Variants in ECT2L observed in about 807,000 individuals in gnomAD.
The protein encoded by ECT2L is epithelial cell transforming 2 like.
Under a neutral mutation model 122.8 loss-of-function variants are expected in ECT2L, and 126 were observed. The observed-to-expected ratio is 1.03, with a 90% CI of 0.89 to 1.19. The LOEUF is 1.19. Ranked by LOEUF, ECT2L falls within the 50% of genes most tolerant of loss-of-function variation. The probability of loss-of-function intolerance (pLI) is 0.00; values close to 1 mark genes in which losing one functional copy is unlikely to be tolerated. For synonymous variants in ECT2L, 385 were observed against 381.8 expected, an observed-to-expected ratio of 1.01 and a Z score of -0.10; for missense variants, 1,012 against 1,064.1, an observed-to-expected ratio of 0.95 and a Z score of 0.68.
Position 138,845,563 on chromosome 6 carries a change from C to G in ECT2L, c.765-976C>G, listed in dbSNP as rs374556137. ...CCAGCCAACTTTGGATTCTTGAGAT[C>G]ATGTAATCTCACTCACCTAAGTTTC... On this transcript the variant is annotated intron_variant, in intron 7 of 21. Transcript: ENST00000541398. 1.8e-4 allele frequency among the ~76,000 whole-genome samples: 27 copies of G among 152,140 alleles called. No individual in the cohort carries two copies. In the East Asian group the frequency reaches 2.3e-3, roughly 13 times the overall value.
chr6:138,802,755 C>T (rs77890643), intron 1 of ECT2L, among the ~76,000 whole-genome samples: 1,815 of 152,098 alleles, frequency 0.012, 40 homozygotes, highest in African/African-American at 0.041. Context: ...GAATAGTCAA[C>T]GAAATTAATA....
Position 138,861,482 on chromosome 6 carries a change from G to A in ECT2L, c.1199-1145G>A, listed in dbSNP as rs181864851. On this transcript the variant is annotated intron_variant, in intron 10 of 21. Coordinates refer to ENST00000541398, the MANE Select transcript of ECT2L (RefSeq NM_001077706.3). ...GATTTGCATTTCTCTAATGACCAGT[G>A]ATGATGAGCTTTTTTTCATGTGTTT... is the stretch of plus-strand genomic sequence containing the variant. Among the ~76,000 whole-genome samples, 3 of 152,316 alleles carry A rather than the reference G, an allele frequency of 2.0e-5. No homozygotes were observed. The East Asian group carries it at 5.8e-4, about 29-fold the overall frequency.
intron 10 of ECT2L, among the ~76,000 whole-genome samples, chr6:138,857,035 C>G (rs1455365853): frequency 6.6e-6 from 1 of 152,160 alleles, no homozygotes; most frequent in Non-Finnish European, 1.5e-5. Flanking sequence ...TTTTTATTCT[C>G]TGTCTTCCCT....
At chr6:138,830,466 A>G (rs922453066) in intron 4 of ECT2L, among the ~76,000 whole-genome samples, 2 of 152,160 alleles carry the variant, frequency 1.3e-5, no homozygotes, top group Non-Finnish European at 2.9e-5. Context: ...ACGAATGGAT[A>G]TAGTCCACAG....
In ECT2L at chr6:138,876,568, T is replaced by A; in HGVS notation, c.1665+10T>A. ...AGCACTGATTAATCTGGTAAGCTAT[T>A]ATATAATGTAACTTTACCATTGGTT... On this transcript the variant is annotated intron_variant, in intron 14 of 21. Transcript: ENST00000541398. The A allele has an allele frequency of 6.4e-7, 1 of 1,564,902 alleles. No individual in the cohort carries two copies. The highest frequency in any genetic ancestry group is 1.4e-5 in the African/African-American group (1 of 73,540).
chr6:138,835,671 A>C (rs1776810087), intron 4 of ECT2L, among the ~76,000 whole-genome samples: 1 of 152,210 alleles, frequency 6.6e-6, no homozygotes, highest in Admixed American at 6.5e-5. Flanking sequence ...TAAGTGTGTC[A>C]ATGTGTGTTT....
intron 12 of ECT2L, among the ~76,000 whole-genome samples, chr6:138,867,054 AC>A (rs1417117181): frequency 6.6e-6 from 1 of 152,090 alleles, no homozygotes; most frequent in African/African-American, 2.4e-5. Context: ...AGCCTGGGCA[AC>A]AGAATGAGAC....
Position 138,901,090 on chromosome 6 carries a change from T to A in ECT2L, c.2557T>A (p.Leu853Ile), listed in dbSNP as rs936300896. 1.9e-6 allele frequency: 3 copies of A among 1,614,008 alleles called. No individual in the cohort carries two copies. Among genetic ancestry groups the A allele is most frequent in the African/African-American group, 2.7e-5 (2 of 74,924 alleles). The change falls in exon 21 of 22, where the codon TTA (leucine) becomes ATA (isoleucine). Residue 853 changes from leucine to isoleucine, a missense_variant. By Grantham distance (5) the Leu-to-Ile change is conservative (BLOSUM62 2). Transcript: ENST00000541398. ...CATTGCATCAGTGGCCCTTCATCGGTTACTCATAGAAAATATTCCAGATTC... is the reference window on the plus strand; with the variant it reads ...CATTGCATCAGTGGCCCTTCATCGGATACTCATAGAAAATATTCCAGATTC... ...QFIASVALHR[L>I]LIENIPDSKY...
Position 138,849,316 on chromosome 6 carries a change from A to G in ECT2L, c.951A>G (p.Glu317=), listed in dbSNP as rs766855678. The part of the protein sequence containing the change: ...VKAGVVSVVY[E]HSVTLESLLY... ...CTGGTGTTGTTTCTGTGGTATATGA[A>G]CACAGCGTAACCTTGGAAAGCCTTC... Residue 317 remains glutamate (E), a synonymous_variant, in exon 9 of 22, where the codon GAA becomes GAG. Coordinates refer to ENST00000541398, the MANE Select transcript of ECT2L (RefSeq NM_001077706.3). 2 of 1,613,960 alleles carry G rather than the reference A, an allele frequency of 1.2e-6. No individual in the cohort carries two copies. Among genetic ancestry groups the G allele is most frequent in the East Asian group, 4.5e-5 (2 of 44,862 alleles).
At chr6:138,885,628 C>T (rs1161168229) in intron 17 of ECT2L, 46 bp from the exon 18 acceptor site, 8 of 1,613,810 alleles carry the variant, frequency 5.0e-6, no homozygotes, top group Non-Finnish European at 6.8e-6. Context: ...AGAGGGCATT[C>T]CTGGGCCTTC....
chr6:138,817,386 C>G (rs930759712), intron 4 of ECT2L, among the ~76,000 whole-genome samples: 6 of 152,090 alleles, frequency 3.9e-5, no homozygotes, highest in Non-Finnish European at 7.4e-5. Flanking sequence ...GTCTTGCTTA[C>G]CCAATAACTG....
At chr6:138,823,250 G>A (rs1165079132) in intron 4 of ECT2L, 18 of 1,563,328 alleles carry the variant, frequency 1.2e-5, no homozygotes, top group Non-Finnish European at 1.6e-5. Context: ...CCATCTTGCT[G>A]AGCATACCCC....
chr6:138,885,496 C>T lies in ECT2L; in HGVS notation c.2029-10C>T, dbSNP rs115458745. ...CATAAAGTTTTGACAATATAATCCT[C>T]ACCTTTTAGTGCAGAGAAATGATAC... is the stretch of plus-strand genomic sequence containing the variant. On this transcript the variant is annotated splice_polypyrimidine_tract_variant and intron_variant, in intron 16 of 21. Transcript: ENST00000541398. The T allele has an allele frequency of 1.7e-3, 2,782 of 1,613,628 alleles. 46 individuals carry two copies. The African/African-American group carries it at 0.033, about 19-fold the overall frequency.
At chr6:138,879,647 C>A (rs1304894733) in intron 14 of ECT2L, among the ~76,000 whole-genome samples, 1 of 152,076 alleles carries the variant, frequency 6.6e-6, no homozygotes, top group African/African-American at 2.4e-5. Context: ...ATGATTTTCA[C>A]CTCTGCATTA....
rs1404155768 is a variant in ECT2L at position 138,854,059 on chromosome 6, C to T, written c.1103C>T (p.Pro368Leu). The T allele has an allele frequency of 1.2e-6, 2 of 1,614,058 alleles. No individual in the cohort carries two copies. Among genetic ancestry groups the T allele is most frequent in the Non-Finnish European group, 8.5e-7 (1 of 1,180,002 alleles). Residue 368 changes from proline to leucine, a missense_variant, in exon 10 of 22, where the codon CCT (proline) becomes CTT (leucine). Pro to Leu is a moderately conservative substitution (Grantham distance 98). Coordinates refer to ENST00000541398, the MANE Select transcript of ECT2L (RefSeq NM_001077706.3). Reference sequence around the variant, plus strand: ...ATTGGTGTTAAAAATTTACTGAGGCCTGAAGTGAGAGATTTCTGGGAGAAA... The same window carrying T: ...ATTGGTGTTAAAAATTTACTGAGGCTTGAAGTGAGAGATTTCTGGGAGAAA... ...YKIGVKNLLR[P>L]EVRDFWEKLG...
intron 6 of ECT2L, among the ~76,000 whole-genome samples, chr6:138,843,823 G>A (rs1478831208): frequency 6.6e-6 from 1 of 152,086 alleles, no homozygotes; most frequent in Admixed American, 6.6e-5. Context: ...CTGAGTAGCT[G>A]GGGCCACAGG....
At chr6:138,841,832 G>A (rs6570292) in intron 5 of ECT2L, among the ~76,000 whole-genome samples, 2,867 of 152,164 alleles carry the variant, frequency 0.019, 83 homozygotes, top group African/African-American at 0.065. Context: ...TTTGGTCTAG[G>A]TATTTCATCA....
At chr6:138,828,932 G>A (rs1299353108) in intron 4 of ECT2L, among the ~76,000 whole-genome samples, 3 of 152,120 alleles carry the variant, frequency 2.0e-5, no homozygotes, top group Non-Finnish European at 4.4e-5. Flanking sequence ...TAACTCTTGA[G>A]TTCTTTTGAC....
At chr6:138,817,673 T>A (rs924920467) in intron 4 of ECT2L, among the ~76,000 whole-genome samples, 1 of 152,242 alleles carries the variant, frequency 6.6e-6, no homozygotes, top group African/African-American at 2.4e-5. Flanking sequence ...TTTCCTGGCC[T>A]AATAAGTATT....
Sources: gnomAD v4.1 joint callset for allele counts (sites outside exome capture counted in the v4.1 genomes callset) on GRCh38, gnomAD v4.1.1 for gene constraint, MANE v1.5 for transcripts, NCBI Gene and HGNC (gene_info 2026-07-23, HGNC 2026-07-21) for gene names.